The following SLC30A3 variants were observed in gnomAD, a reference collection of about 807,000 sequenced individuals.
SLC30A3 encodes solute carrier family 30 member 3, also known as probable proton-coupled zinc antiporter SLC30A3.
In SLC30A3, 20 loss-of-function variants were observed where a neutral mutation model predicts 35.6. The observed-to-expected ratio is 0.56, with a 90% CI of 0.39 to 0.82. The LOEUF (loss-of-function observed/expected upper bound fraction) is 0.82. Among genes scored for constraint, SLC30A3 ranks in the 40% least tolerant of loss-of-function variants. The pLI, the probability that SLC30A3 is intolerant of heterozygous loss-of-function variation, is 0.00. For synonymous variants in SLC30A3, 217 were observed against 224.7 expected (o/e 0.97, Z 0.31); for missense variants, 401 against 530.6 (o/e 0.76, Z 2.40).
chr2:27,264,521 G>A (rs1677398055), upstream of SLC30A3, among the ~76,000 whole-genome samples: 1 of 152,164 alleles, frequency 6.6e-6, no homozygotes, highest in African/African-American at 2.4e-5. The surrounding 1 kb of genome is among the most constrained non-coding windows in gnomAD (Gnocchi z 6.1). Flanking sequence ...CAAGGTGTGC[G>A]GGCGGCGCGT....
chr2:27,258,639 C>G lies in SLC30A3; in HGVS notation c.277+114G>C, dbSNP rs992880630. ...AGTCCTGGGCACCCAGCTCCCCTAT[C>G]CCAGCCATCCCCATCTCTGCATCTG... is the stretch of plus-strand genomic sequence containing the variant. On this transcript the variant is annotated intron_variant, in intron 2 of 7. Transcript: ENST00000233535. The surrounding 1 kb of genome is among the most constrained non-coding windows in gnomAD (Gnocchi z 4.0). 12 of 1,192,832 alleles carry G rather than the reference C, an allele frequency of 1.0e-5. No individual in the cohort carries two copies. The African/African-American group carries it at 1.2e-4, about 12-fold the overall frequency. 73.9% of individuals were successfully genotyped at this position (1,192,832 alleles called of 1,614,324 possible). A position where few individuals can be genotyped will look rare whatever the true frequency, so the allele number is the denominator to read the frequency against.
upstream of SLC30A3, chr2:27,264,088 G>A: frequency 7.8e-7 from 1 of 1,286,316 alleles, no homozygotes; most frequent in Non-Finnish European, 1.0e-6. This position sits in a 1 kb window ranked among gnomAD's most constrained non-coding sequence, Gnocchi z 6.1. Context: ...CGCCACTGTA[G>A]AATGGGAGGG....
chr2:27,255,362 G>C lies in SLC30A3; in HGVS notation c.1117C>G (p.Gln373Glu). The C allele has an allele frequency of 1.2e-6, 2 of 1,614,214 alleles. No individual in the cohort carries two copies. Among genetic ancestry groups the C allele is most frequent in the Non-Finnish European group, 1.7e-6 (2 of 1,180,030 alleles). The change falls in exon 8 of 8, where the codon CAG becomes GAG. Residue 373 changes from glutamine to glutamate, a missense_variant. Physicochemically the swap from Gln to Glu is conservative, Grantham distance 29. Around this residue, in one of 3 missense-constraint regions of SLC30A3, gnomAD observed 296 missense variants for 392.6 expected, o/e 0.75. Coordinates refer to ENST00000233535, the MANE Select transcript of SLC30A3 (RefSeq NM_003459.5). This position sits in a 1 kb window ranked among gnomAD's most constrained non-coding sequence, Gnocchi z 5.2. ...SSCTLQVEQY[Q>E]PEMAQCLRCQ... ...CGCAGGCACTGGGCCATCTCCGGCTGATACTGCTCGACCTGCAGGGTGCAG... is the reference window on the plus strand; with the variant it reads ...CGCAGGCACTGGGCCATCTCCGGCTCATACTGCTCGACCTGCAGGGTGCAG...
chr2:27,266,293 T>G (rs1356471789), upstream of SLC30A3, among the ~76,000 whole-genome samples: 1 of 152,218 alleles, frequency 6.6e-6, no homozygotes, highest in Non-Finnish European at 1.5e-5. Context: ...ATTATTTGTT[T>G]CATCATTTGG....
rs559294565 is a variant in SLC30A3 at position 27,258,841 on chromosome 2, C to T, written c.189G>A (p.Pro63=). 7.4e-6 allele frequency: 12 copies of T among 1,614,180 alleles called. No individual in the cohort carries two copies. The East Asian group carries it at 1.3e-4, about 18-fold the overall frequency. ...CATGCAGCCTCTCAGGGGTAAGGCC[C>T]GGCGGCGGAAGGGGGTCCCTGTGGC... ...HHCHRDPLPP[P]GLTPERLHAR... Residue 63 remains proline, a synonymous_variant, in exon 2 of 8, where the codon CCG becomes CCA. Coordinates refer to ENST00000233535, the MANE Select transcript of SLC30A3 (RefSeq NM_003459.5). This position sits in a 1 kb window ranked among gnomAD's most constrained non-coding sequence, Gnocchi z 4.0.
chr2:27,262,902 T>C lies in SLC30A3; in HGVS notation c.5A>G (p.Glu2Gly). MEPSPAAGGLET... is the reference protein window; with the variant it reads MGPSPAAGGLET... ...CAAGCCCCCAGCGGCTGGAGAGGGC[T>C]CCATGTTCCCGGTGCCCCGACCGTC... Residue 2 changes from glutamate (E) to glycine (G), a missense_variant, in exon 1 of 8, where the codon GAG becomes GGG. Glu to Gly is a moderately conservative substitution (Grantham distance 98, BLOSUM62 -2). Coordinates refer to ENST00000233535, the MANE Select transcript of SLC30A3 (RefSeq NM_003459.5). The surrounding 1 kb of genome is among the most constrained non-coding windows in gnomAD (Gnocchi z 7.5). 6.4e-7 allele frequency: 1 copy of C among 1,556,946 alleles called. No homozygotes were observed. The highest frequency in any genetic ancestry group is 2.6e-5 in the East Asian group (1 of 38,976).
upstream of SLC30A3, chr2:27,263,159 GC>G (rs1204413487): frequency 1.6e-6 from 2 of 1,219,634 alleles, no homozygotes; most frequent in Non-Finnish European, 2.1e-6. Context: ...CCACCCTTAA[GC>G]CCCGCCCCCA....
chr2:27,263,552 C>T (rs1357894210), upstream of SLC30A3: 1 of 259,788 alleles, frequency 3.8e-6, no homozygotes, highest in African/African-American at 2.2e-5. Flanking sequence ...AATCTGGGGT[C>T]GGAATTCACG....
At chr2:27,275,205 T>C (rs1031399571) in exon 1 of SLC30A3, 21 of 1,303,908 alleles carry the variant, frequency 1.6e-5, no homozygotes, top group East Asian at 5.6e-5. Flanking sequence ...AGCAAACCCA[T>C]TGTGTTTCCT....
At chr2:27,259,080 C>G in intron 1 of SLC30A3, 146 bp from the exon 2 acceptor site, 1 of 617,904 alleles carries the variant, frequency 1.6e-6, no homozygotes, top group Non-Finnish European at 2.8e-6. Flanking sequence ...CAGAGGGCCA[C>G]ATGAGAGACC....
chr2:27,260,156 C>T (rs1343212079), intron 1 of SLC30A3, among the ~76,000 whole-genome samples: 2 of 152,128 alleles, frequency 1.3e-5, no homozygotes, highest in East Asian at 1.9e-4. Flanking sequence ...ATCCTGCCCC[C>T]GCCCTCCCTA....
In SLC30A3 at chr2:27,254,758, GAACACA is replaced by G; in HGVS notation, c.*548_*553del. 1 of 186,526 alleles carries G rather than the reference GAACACA, an allele frequency of 5.4e-6. No homozygotes were observed. Among genetic ancestry groups the G allele is most frequent in the Non-Finnish European group, 9.9e-6 (1 of 101,334 alleles). 11.6% of individuals were successfully genotyped at this position (186,526 alleles called of 1,614,324 possible). A position where few individuals can be genotyped will look rare whatever the true frequency, so the allele number is the denominator to read the frequency against. Reference sequence around the variant, plus strand: ...AGAGACACACAGGCCACAGCACCAAGAACACACACACACACACACACACACACACAC... The same window carrying G: ...AGAGACACACAGGCCACAGCACCAAGCACACACACACACACACACACACAC... On this transcript the variant is annotated 3_prime_UTR_variant, in exon 8 of 8. Transcript: ENST00000233535.
At chr2:27,275,525 CCCA>C (rs1438078272), upstream of SLC30A3, 6 of 328,090 alleles carry the variant, frequency 1.8e-5, no homozygotes, top group Non-Finnish European at 3.6e-5. Flanking sequence ...ATGAAGGGCA[CCCA>C]CCTGGCTTAA....
In SLC30A3 at chr2:27,262,875, T is replaced by C; in HGVS notation, c.32A>G (p.Glu11Gly). 6.4e-7 allele frequency: 1 copy of C among 1,558,240 alleles called. No individual in the cohort carries two copies. The highest frequency in any genetic ancestry group is 2.0e-5 in the Admixed American group (1 of 49,066). The change falls in exon 1 of 8, where the codon GAG becomes GGG. Residue 11 changes from glutamate to glycine, a missense_variant. By Grantham distance (98) the Glu-to-Gly change is moderately conservative. This residue lies in a region of SLC30A3 where 103 missense variants were observed against 120.7 expected (regional missense o/e 0.85). Transcript: ENST00000233535. The surrounding 1 kb of genome is among the most constrained non-coding windows in gnomAD (Gnocchi z 7.5). ...CCGGGGGCTCACCAGGCGAGTGGTCTCCAAGCCCCCAGCGGCTGGAGAGGG... is the reference window on the plus strand; with the variant it reads ...CCGGGGGCTCACCAGGCGAGTGGTCCCCAAGCCCCCAGCGGCTGGAGAGGG... MEPSPAAGGL[E>G]TTRLVSPRDR...
Position 27,263,027 on chromosome 2 carries a change from G to C in SLC30A3, c.-121C>G. ...CCCGCAGGGCGGCGGGGCCACCAGA[G>C]TGGAGCGAACTGCAGCGACTGTGGC... On this transcript the variant is annotated 5_prime_UTR_variant, in exon 1 of 8. Transcript: ENST00000233535. 1 of 1,393,344 alleles carries C rather than the reference G, an allele frequency of 7.2e-7. No homozygotes were observed. The highest frequency in any genetic ancestry group is 9.3e-7 in the Non-Finnish European group (1 of 1,080,760). 86.3% of individuals were successfully genotyped at this position (1,393,344 alleles called of 1,614,324 possible).
Position 27,262,490 on chromosome 2 carries a change from C to T in SLC30A3, c.95+322G>A, listed in dbSNP as rs1450380188. 1.3e-5 allele frequency among the ~76,000 whole-genome samples: 2 copies of T among 151,882 alleles called. No homozygotes were observed. Among genetic ancestry groups the T allele is most frequent in the African/African-American group, 2.4e-5 (1 of 41,378 alleles). On this transcript the variant is annotated intron_variant, in intron 1 of 7. Transcript: ENST00000233535. The surrounding 1 kb of genome is among the most constrained non-coding windows in gnomAD (Gnocchi z 7.5). Reference sequence around the variant, plus strand: ...ACCTTGGCGCACCGGGCGAGGGCTCCGGCCCGACCGAGCGGCAGCTGCTCC... The same window carrying T: ...ACCTTGGCGCACCGGGCGAGGGCTCTGGCCCGACCGAGCGGCAGCTGCTCC...
At chr2:27,259,033 C>G in intron 1 of SLC30A3, 99 bp from the exon 2 acceptor site, 1 of 953,980 alleles carries the variant, frequency 1.0e-6, no homozygotes. Flanking sequence ...AGACCATCTC[C>G]TTCCCCAGGC....
chr2:27,267,764 G>A (rs929249702), upstream of SLC30A3, among the ~76,000 whole-genome samples: 43 of 151,954 alleles, frequency 2.8e-4, no homozygotes, highest in Admixed American at 5.2e-4. Context: ...GGGAAACCCC[G>A]TCTCTACTAA....
rs1403490884 is a variant in SLC30A3, at chr2:27,254,857, T to C, written c.*455A>G. On this transcript the variant is annotated 3_prime_UTR_variant, in exon 8 of 8. Coordinates refer to ENST00000233535, the MANE Select transcript of SLC30A3 (RefSeq NM_003459.5). Reference sequence around the variant, plus strand: ...AAGTGCGGGCTTTGGGGCCCCTGCATAGACAGAGCGAGGGCCATGTGGGGA... The same window carrying C: ...AAGTGCGGGCTTTGGGGCCCCTGCACAGACAGAGCGAGGGCCATGTGGGGA... 6.1e-6 allele frequency: 2 copies of C among 329,914 alleles called. No individual in the cohort carries two copies. Among genetic ancestry groups the C allele is most frequent in the Admixed American group, 4.5e-5 (1 of 22,438 alleles). The allele number at this position is 329,914 out of a possible 1,614,324, so 20.4% of individuals were successfully genotyped here.
Sources: allele counts gnomAD v4.1 joint callset (sites outside exome capture counted in the v4.1 genomes callset), GRCh38; gene constraint gnomAD v4.1.1; regional missense constraint gnomAD v4.1.1; non-coding constraint Gnocchi (gnomAD v3.1); transcripts MANE v1.5; gene names NCBI Gene and HGNC (gene_info 2026-07-23, HGNC 2026-07-21).